The following CFAP95 variants were observed in gnomAD, a reference collection of about 807,000 sequenced individuals.
CFAP95 encodes the protein cilia and flagella associated protein 95, also known as cilia- and flagella-associated protein 95.
the CFAP95 span, among the ~76,000 whole-genome samples, chr9:69,843,619 T>TTCTTCG: frequency 8.3e-3 from 479 of 57,838 alleles, 45 homozygotes; most frequent in East Asian, 0.012. Flanking sequence ...CTTCTTCTTC[T>TTCTTCG]TCTTCTTCTT....
the CFAP95 span, among the ~76,000 whole-genome samples, chr9:69,835,013 G>T: frequency 6.6e-6 from 1 of 152,186 alleles, no homozygotes; most frequent in African/African-American, 2.4e-5. Flanking sequence ...TATTGTCAAT[G>T]TCTCATAGTC....
the CFAP95 span, among the ~76,000 whole-genome samples, chr9:69,870,955 A>T: frequency 1.3e-5 from 2 of 152,086 alleles, no homozygotes; most frequent in Non-Finnish European, 2.9e-5. Flanking sequence ...GCAGTGGCTC[A>T]CACCTGTAAT....
At chr9:69,863,477 C>T in the CFAP95 span, among the ~76,000 whole-genome samples, 1 of 152,120 alleles carries the variant, frequency 6.6e-6, no homozygotes, top group Non-Finnish European at 1.5e-5. Flanking sequence ...CTCAAGCATT[C>T]TCAAGTAACT....
the CFAP95 span, among the ~76,000 whole-genome samples, chr9:69,824,011 AG>A: frequency 2.6e-5 from 4 of 152,188 alleles, no homozygotes; most frequent in South Asian, 8.3e-4. Context: ...ATGATGGCTT[AG>A]TTTGGGCTCA....
the CFAP95 span, among the ~76,000 whole-genome samples, chr9:69,882,398 A>G: frequency 2.6e-5 from 4 of 152,296 alleles, no homozygotes; most frequent in East Asian, 5.8e-4. Context: ...GCAAACAAGG[A>G]TAATTTGACT....
chr9:69,830,684 G>T, the CFAP95 span, among the ~76,000 whole-genome samples: 2 of 152,126 alleles, frequency 1.3e-5, no homozygotes, highest in Non-Finnish European at 2.9e-5. Flanking sequence ...GTTTCACTTT[G>T]TCACCCAGAT....
At chr9:69,857,062 G>A in the CFAP95 span, among the ~76,000 whole-genome samples, 16 of 151,970 alleles carry the variant, frequency 1.1e-4, no homozygotes, top group Admixed American at 4.6e-4. Context: ...CATCTACTTC[G>A]TAGGGTTGTT....
the CFAP95 span, among the ~76,000 whole-genome samples, chr9:69,826,350 C>A: frequency 6.6e-6 from 1 of 152,190 alleles, no homozygotes; most frequent in African/African-American, 2.4e-5. Flanking sequence ...TGTATTTAAT[C>A]AATGATTTTC....
the CFAP95 span, among the ~76,000 whole-genome samples, chr9:69,861,748 A>C: frequency 2.0e-5 from 3 of 151,142 alleles, no homozygotes; most frequent in South Asian, 2.1e-4. Context: ...AAAAAAAAAA[A>C]AAAAACACAA....
the CFAP95 span, among the ~76,000 whole-genome samples, chr9:69,874,895 G>A: frequency 6.6e-6 from 1 of 152,148 alleles, no homozygotes; most frequent in Non-Finnish European, 1.5e-5. Context: ...GTAAGTCCGG[G>A]TTGGTGGATT....
chr9:69,893,470 C>G, the CFAP95 span, among the ~76,000 whole-genome samples: 1 of 152,208 alleles, frequency 6.6e-6, no homozygotes, highest in African/African-American at 2.4e-5. Flanking sequence ...ATTATATTAG[C>G]TTTCAAATCC....
chr9:69,864,524 CT>C, the CFAP95 span, among the ~76,000 whole-genome samples: 1 of 152,064 alleles, frequency 6.6e-6, no homozygotes, highest in Non-Finnish European at 1.5e-5. Flanking sequence ...CTGTAAAGTC[CT>C]TTCCCACTCT....
the CFAP95 span, among the ~76,000 whole-genome samples, chr9:69,845,784 T>A: frequency 6.6e-6 from 1 of 151,826 alleles, no homozygotes; most frequent in South Asian, 2.1e-4. Context: ...ACACACAGAG[T>A]CTCTTTGGCA....
the CFAP95 span, among the ~76,000 whole-genome samples, chr9:69,893,539 C>T: frequency 6.6e-6 from 1 of 152,184 alleles, no homozygotes; most frequent in Non-Finnish European, 1.5e-5. Context: ...CTATTGTCTT[C>T]CCCATTTTCA....
chr9:69,869,807 A>G, the CFAP95 span, among the ~76,000 whole-genome samples: 1 of 152,076 alleles, frequency 6.6e-6, no homozygotes, highest in Non-Finnish European at 1.5e-5. Flanking sequence ...ATTTATATTT[A>G]AGCCTGACAT....
At chr9:69,905,862 A>G in the CFAP95 span, 5 of 955,422 alleles carry the variant, frequency 5.2e-6, no homozygotes, top group African/African-American at 1.7e-5. Context: ...ACCTTCAATC[A>G]TAAGAATAAT....
the CFAP95 span, among the ~76,000 whole-genome samples, chr9:69,889,318 C>T: frequency 3.3e-5 from 5 of 152,196 alleles, no homozygotes; most frequent in African/African-American, 7.2e-5. Flanking sequence ...CTATACGTTG[C>T]TTACTGCTCC....
chr9:69,857,929 C>T, the CFAP95 span: 1 of 1,613,934 alleles, frequency 6.2e-7, no homozygotes, highest in Non-Finnish European at 8.5e-7. Flanking sequence ...TTGCCTGCCA[C>T]AGGTTTTGGA....
the CFAP95 span, among the ~76,000 whole-genome samples, chr9:69,900,785 C>T: frequency 6.6e-6 from 1 of 152,120 alleles, no homozygotes; most frequent in Admixed American, 6.5e-5. Flanking sequence ...CTCTGTCTGA[C>T]CATGCTAGTG....
Sources: allele counts gnomAD v4.1 joint callset (sites outside exome capture counted in the v4.1 genomes callset), GRCh38; gene constraint gnomAD v4.1.1; transcripts MANE v1.5; gene names NCBI Gene and HGNC (gene_info 2026-07-23, HGNC 2026-07-21).